PALD1: variants seen among roughly 807,000 people sequenced by gnomAD.
PALD1 encodes the protein paladin.
PALD1 carries 57 observed loss-of-function variants against 96.0 expected under a neutral mutation model. The observed-to-expected ratio is 0.59, with a 90% confidence interval of 0.48 to 0.74. PALD1 has a LOEUF of 0.74. Among genes scored for constraint, PALD1 ranks in the 30% least tolerant of loss-of-function variants. PALD1 has a pLI of 0.00. For synonymous variants in PALD1, 464 were observed against 473.6 expected, an observed-to-expected ratio of 0.98 and a Z score of 0.26; for missense variants, 1,063 against 1,143.7, an observed-to-expected ratio of 0.93 and a Z score of 1.02.
intron 2 of PALD1, among the ~76,000 whole-genome samples, chr10:70,527,643 A>T (rs1846896374): frequency 6.6e-6 from 1 of 152,200 alleles, no homozygotes; most frequent in African/African-American, 2.4e-5. Flanking sequence ...TTTAGTTCAG[A>T]TGTGAAAACT....
chr10:70,468,174 C>T, the PALD1 span, among the ~76,000 whole-genome samples: 1 of 152,090 alleles, frequency 6.6e-6, no homozygotes, highest in Non-Finnish European at 1.5e-5. Context: ...CCTTATGGAG[C>T]CTGGCCCCTG....
intron 1 of PALD1, among the ~76,000 whole-genome samples, chr10:70,516,421 T>C (rs902168868): frequency 6.6e-6 from 1 of 152,196 alleles, no homozygotes; most frequent in African/African-American, 2.4e-5. Context: ...CTCCCAGCCT[T>C]GTGTGGCACT....
At chr10:70,518,651 C>T (rs891296298) in intron 1 of PALD1, among the ~76,000 whole-genome samples, 3 of 152,178 alleles carry the variant, frequency 2.0e-5, no homozygotes, top group Non-Finnish European at 4.4e-5. Context: ...TTGATATTGA[C>T]TTGTTAAGAG....
At chr10:70,470,641 C>T in the PALD1 span, among the ~76,000 whole-genome samples, 3 of 149,554 alleles carry the variant, frequency 2.0e-5, no homozygotes, top group African/African-American at 7.3e-5. Flanking sequence ...CAGGATCTTA[C>T]TCTGTCACCC....
At chr10:70,498,525 T>C (rs1846234386) in intron 1 of PALD1, among the ~76,000 whole-genome samples, 1 of 152,018 alleles carries the variant, frequency 6.6e-6, no homozygotes, top group Non-Finnish European at 1.5e-5. Flanking sequence ...AGCAGTCCTC[T>C]TGCCTTAGCC....
chr10:70,485,273 T>C (rs1846000337), intron 1 of PALD1: 1 of 152,590 alleles, frequency 6.6e-6, no homozygotes, highest in African/African-American at 2.4e-5. Context: ...GGTATGTTTA[T>C]TCCCTGTTAT....
intron 1 of PALD1, among the ~76,000 whole-genome samples, chr10:70,503,902 C>T (rs946642854): frequency 3.9e-5 from 6 of 152,222 alleles, no homozygotes; most frequent in African/African-American, 1.4e-4. Flanking sequence ...ATCACGTCTT[C>T]TTTTATCCTT....
At chr10:70,529,445 A>G (rs1180823961) in intron 3 of PALD1, 114 bp downstream of exon 3, 6 of 624,774 alleles carry the variant, frequency 9.6e-6, no homozygotes, top group Non-Finnish European at 1.5e-5. Flanking sequence ...CTCTCTGCCC[A>G]TTTTCAGAAC....
chr10:70,557,977 A>G (rs771279128), intron 18 of PALD1, among the ~76,000 whole-genome samples: 11 of 122,058 alleles, frequency 9.0e-5, no homozygotes, highest in Admixed American at 5.7e-4. Flanking sequence ...TCTGTCACCC[A>G]GGCTGCAGTG....
At chr10:70,473,308 G>A in the PALD1 span, among the ~76,000 whole-genome samples, 2 of 152,132 alleles carry the variant, frequency 1.3e-5, no homozygotes, top group East Asian at 1.9e-4. Context: ...TGAGCACCTC[G>A]AGGGCAGGGC....
chr10:70,464,567 G>T, the PALD1 span, among the ~76,000 whole-genome samples: 1 of 149,726 alleles, frequency 6.7e-6, no homozygotes, highest in Non-Finnish European at 1.5e-5. Flanking sequence ...ATGTTGCTTT[G>T]TATGGGTAGT....
Position 70,527,415 on chromosome 10 carries a change from C to G in PALD1, c.185+1279C>G, listed in dbSNP as rs191486296. On this transcript the variant is annotated intron_variant, in intron 2 of 19. Coordinates refer to ENST00000263563, the MANE Select transcript of PALD1 (RefSeq NM_014431.3). Reference sequence around the variant, plus strand: ...TCTAGAGATCATCCAATAGAGGGGTCAGCAAACTACATCCTGCAGGCCCAA... The same window carrying G: ...TCTAGAGATCATCCAATAGAGGGGTGAGCAAACTACATCCTGCAGGCCCAA... Among the ~76,000 whole-genome samples the G allele has an allele frequency of 1.6e-4, 24 of 152,296 alleles. No individual in the cohort carries two copies. In the East Asian group the frequency reaches 4.1e-3, roughly 26 times the overall value.
intron 1 of PALD1, among the ~76,000 whole-genome samples, chr10:70,520,239 TC>T (rs1846702787): frequency 6.6e-6 from 1 of 152,178 alleles, no homozygotes; most frequent in African/African-American, 2.4e-5. Context: ...CTACCAGTCA[TC>T]TTTTTCAAGC....
At chr10:70,480,528 G>T (rs1368490525) in intron 1 of PALD1, among the ~76,000 whole-genome samples, 1 of 152,164 alleles carries the variant, frequency 6.6e-6, no homozygotes, top group Non-Finnish European at 1.5e-5. Flanking sequence ...GCTTGAGGTG[G>T]GTGGTTCCTG....
At chr10:70,556,630 C>T (rs1847617727) in intron 18 of PALD1, among the ~76,000 whole-genome samples, 1 of 152,144 alleles carries the variant, frequency 6.6e-6, no homozygotes, top group Non-Finnish European at 1.5e-5. Context: ...TGAGACCGCT[C>T]ATCTCTCTTC....
At chr10:70,473,763 A>G in the PALD1 span, among the ~76,000 whole-genome samples, 1 of 152,038 alleles carries the variant, frequency 6.6e-6, no homozygotes, top group East Asian at 1.9e-4. Context: ...CTCGTGCCTC[A>G]GCCTCCCAAG....
chr10:70,495,742 C>T (rs1564685087), intron 1 of PALD1, among the ~76,000 whole-genome samples: 1 of 151,536 alleles, frequency 6.6e-6, no homozygotes, highest in African/African-American at 2.4e-5. Context: ...TGGTGGCTCA[C>T]ACCTGTAATC....
intron 17 of PALD1, among the ~76,000 whole-genome samples, chr10:70,543,480 G>T (rs1029139654): frequency 2.0e-5 from 3 of 152,058 alleles, no homozygotes; most frequent in South Asian, 2.1e-4. Context: ...CTTCTCCCTT[G>T]TGTTTTATCC....
Position 70,534,005 on chromosome 10 carries a change from G to A in PALD1, c.954G>A (p.Arg318=), listed in dbSNP as rs202092919. 1.9e-5 allele frequency: 30 copies of A among 1,613,400 alleles called. No individual in the cohort carries two copies. The East Asian group carries it at 6.0e-4, about 32-fold the overall frequency. ...LVFSCQMGVG[R]TNLGMVLGTL... is the part of the protein sequence containing the mutation. ...TCAGCTGCCAGATGGGCGTGGGCAGGACCAACCTGGGCATGGTCCTGGGCA... is the reference window on the plus strand; with the variant it reads ...TCAGCTGCCAGATGGGCGTGGGCAGAACCAACCTGGGCATGGTCCTGGGCA... The change falls in exon 8 of 20, where the codon AGG becomes AGA. Residue 318 remains arginine (R), a synonymous_variant. Coordinates refer to ENST00000263563, the MANE Select transcript of PALD1 (RefSeq NM_014431.3).
Sources: allele counts gnomAD v4.1 joint callset (sites outside exome capture counted in the v4.1 genomes callset), GRCh38; gene constraint gnomAD v4.1.1; transcripts MANE v1.5; gene names NCBI Gene and HGNC (gene_info 2026-07-23, HGNC 2026-07-21).